TBX18: variants seen among roughly 807,000 people sequenced by gnomAD.
TBX18 encodes T-box transcription factor 18, also known as T-box transcription factor TBX18.
In TBX18, 21 loss-of-function variants were observed where a neutral mutation model predicts 55.0. The ratio of observed to expected loss-of-function variants is 0.38; its 90% CI spans 0.27 to 0.55. The LOEUF is 0.55. Among genes scored for constraint, TBX18 ranks in the 20% least tolerant of loss-of-function variants. The pLI is 0.73. For synonymous variants in TBX18, 342 were observed against 326.1 expected (o/e 1.05, Z -0.53); for missense variants, 840 against 799.6 (o/e 1.05, Z -0.61).
rs1773864942 is a variant in TBX18, at chr6:84,733,754, TGA to T, written c.*2929_*2930del. 3 of 152,252 alleles carry T rather than the reference TGA, an allele frequency of 2.0e-5. No individual in the cohort carries two copies. In the East Asian group the frequency reaches 5.8e-4, roughly 29 times the overall value. The allele number at this position is 152,252 out of a possible 1,614,324, so 9.4% of individuals were successfully genotyped here. On this transcript the variant is annotated 3_prime_UTR_variant, in exon 8 of 8. Transcript: ENST00000369663. ...TGTTTATTAATTTCACACTAAGGTG[TGA>T]GTTACTGGTAGGATTAAGTCTGGAG...
At chr6:84,739,536 A>G (rs1766993449) in intron 6 of TBX18, among the ~76,000 whole-genome samples, 1 of 151,940 alleles carries the variant, frequency 6.6e-6, no homozygotes, top group African/African-American at 2.4e-5. Context: ...AGACCTCATC[A>G]CTCTTCCTTC....
chr6:84,736,616 C>T lies in TBX18; in HGVS notation c.*69G>A, dbSNP rs1773950326. 9 of 1,449,778 alleles carry T rather than the reference C, an allele frequency of 6.2e-6. No individual in the cohort carries two copies. The highest frequency in any genetic ancestry group is 1.6e-5 in the South Asian group (1 of 63,412). The allele number at this position is 1,449,778 out of a possible 1,614,324, so 89.8% of individuals were successfully genotyped here. The stretch of plus-strand genomic sequence containing the variant: ...ATAAACCACAGAGAGTTTCTTTCCA[C>T]ATAGCTTTTAAAAAAGAAAAAGAAA... On this transcript the variant is annotated 3_prime_UTR_variant, in exon 8 of 8. Coordinates refer to ENST00000369663, the MANE Select transcript of TBX18 (RefSeq NM_001080508.3).
intron 4 of TBX18, among the ~76,000 whole-genome samples, chr6:84,748,632 G>A (rs886747176): frequency 3.3e-5 from 5 of 152,132 alleles, no homozygotes; most frequent in African/African-American, 9.7e-5. Context: ...TGCTGGGAGC[G>A]CCCAGTGTCT....
At chr6:84,746,540 CATAA>C (rs1767196410) in intron 5 of TBX18, among the ~76,000 whole-genome samples, 2 of 143,404 alleles carry the variant, frequency 1.4e-5, no homozygotes, top group South Asian at 2.2e-4. Flanking sequence ...ATATTAAAAT[CATAA>C]ATACATTTAT....
At chr6:84,750,902 CTCTT>C (rs1224065481) in intron 4 of TBX18, among the ~76,000 whole-genome samples, 13 of 152,282 alleles carry the variant, frequency 8.5e-5, no homozygotes, top group Admixed American at 2.6e-4. Flanking sequence ...TTCCCCCTCC[CTCTT>C]TATTTCTTAA....
chr6:84,760,391 GT>G, intron 2 of TBX18, 35 bp from the exon 3 acceptor site: 5 of 1,493,568 alleles, frequency 3.3e-6, no homozygotes, highest in South Asian at 1.2e-5. Context: ...AGGGTTTGGG[GT>G]TTTTGTTTGT....
Position 84,764,092 on chromosome 6 carries a change from C to G in TBX18, c.90G>C (p.Lys30Asn). Residue 30 changes from lysine to asparagine, a missense_variant, in exon 1 of 8, where the codon AAG becomes AAC. Lys to Asn is a moderately conservative substitution (Grantham distance 94). Coordinates refer to ENST00000369663, the MANE Select transcript of TBX18 (RefSeq NM_001080508.3). ...GCCGCTTCTTCTGAAGCTGTTGCTG[C>G]TTCTCGGCGCCGATCAGCGCCTCCA... ...FSVEALIGAE[K>N]QQQLQKKRRK... The G allele has an allele frequency of 6.3e-7, 1 of 1,585,892 alleles. No individual in the cohort carries two copies.
Position 84,736,797 on chromosome 6 carries a change from G to T in TBX18, c.1712C>A (p.Pro571His), listed in dbSNP as rs1207416912. The change falls in exon 8 of 8, where the codon CCT becomes CAT. Residue 571 changes from proline (P) to histidine (H), a missense_variant. Pro to His is a moderately conservative substitution (Grantham distance 77, BLOSUM62 -2). Transcript: ENST00000369663. ...GTMTDRQMLP[P>H]VEGVHLLSSG... is the part of the protein sequence containing the mutation. ...GCTAAGCAGGTGCACTCCTTCCACAGGGGGCAACATCTGCCGATCCGTCAT... is the reference window on the plus strand; with the variant it reads ...GCTAAGCAGGTGCACTCCTTCCACATGGGGCAACATCTGCCGATCCGTCAT... 20 of 1,614,096 alleles carry T rather than the reference G, an allele frequency of 1.2e-5. No homozygotes were observed. The South Asian group carries it at 1.3e-4, about 11-fold the overall frequency.
chr6:84,751,485 G>A (rs921488886), intron 4 of TBX18, among the ~76,000 whole-genome samples: 15 of 152,138 alleles, frequency 9.9e-5, no homozygotes, highest in Non-Finnish European at 2.9e-5. Context: ...TTATCTATAA[G>A]AACTTTATGT....
chr6:84,744,782 A>AG (rs1317886725), intron 5 of TBX18, among the ~76,000 whole-genome samples: 2 of 152,150 alleles, frequency 1.3e-5, no homozygotes, highest in African/African-American at 4.8e-5. Flanking sequence ...AAGCTCCTAC[A>AG]GAGCTTTCTC....
Position 84,764,199 on chromosome 6 carries a change from C to T in TBX18, c.-18G>A, listed in dbSNP as rs551216407. ...TCGGCCATCCCCCCCGCCCCGCGCC[C>T]GCCCGCCCCTCTCTCATATACACTC... On this transcript the variant is annotated 5_prime_UTR_variant, in exon 1 of 8. Transcript: ENST00000369663. The T allele has an allele frequency of 7.0e-7, 1 of 1,435,604 alleles. No homozygotes were observed. The highest frequency in any genetic ancestry group is 9.1e-7 in the Non-Finnish European group (1 of 1,103,142). 88.9% of individuals were successfully genotyped at this position (1,435,604 alleles called of 1,614,324 possible).
At chr6:84,747,243 T>C (rs1043179203) in intron 5 of TBX18, among the ~76,000 whole-genome samples, 10 of 152,124 alleles carry the variant, frequency 6.6e-5, no homozygotes, top group African/African-American at 1.2e-4. Context: ...ATATTTCTTA[T>C]GAAAACCAGC....
intron 2 of TBX18, among the ~76,000 whole-genome samples, chr6:84,761,409 T>G (rs1034575258): frequency 1.5e-4 from 23 of 152,198 alleles, no homozygotes; most frequent in African/African-American, 5.3e-4. Flanking sequence ...TCAGTGCACC[T>G]GTAAGATAAA....
At chr6:84,755,759 T>C (rs1487274060) in intron 4 of TBX18, among the ~76,000 whole-genome samples, 1 of 152,258 alleles carries the variant, frequency 6.6e-6, no homozygotes, top group Admixed American at 6.5e-5. Flanking sequence ...AAATTAGTAC[T>C]GGAATGTTCT....
intron 7 of TBX18, 110 bp from the exon 8 acceptor site, chr6:84,737,519 C>A: frequency 8.3e-7 from 1 of 1,211,932 alleles, no homozygotes; most frequent in Non-Finnish European, 1.1e-6. Context: ...TGGAGGAATG[C>A]TACAGAGATG....
At chr6:84,762,480 G>A (rs45440592) in intron 2 of TBX18, 64 bp downstream of exon 2, 109,378 of 1,577,136 alleles carry the variant, frequency 0.069, 4,258 homozygotes, top group Non-Finnish European at 0.078. Context: ...TCCTGATTGA[G>A]CTAGAGGTGA....
rs763263155 is a variant in TBX18 at position 84,763,948 on chromosome 6, C to T, written c.234G>A (p.Pro78=). ...EGDEGAALPP[P]AGATSGPARS... ...GAGCCGGCCCAGACGTCGCCCCAGC[C>T]GGCGGCGGGAGCGCAGCGCCTTCGT... is the stretch of plus-strand genomic sequence containing the variant. Residue 78 remains proline, a synonymous_variant, in exon 1 of 8, where the codon CCG becomes CCA. Coordinates refer to ENST00000369663, the MANE Select transcript of TBX18 (RefSeq NM_001080508.3). 6 of 1,580,072 alleles carry T rather than the reference C, an allele frequency of 3.8e-6. No homozygotes were observed. Among genetic ancestry groups the T allele is most frequent in the Non-Finnish European group, 5.1e-6 (6 of 1,168,904 alleles).
chr6:84,755,754 A>T (rs1259277868), intron 4 of TBX18, among the ~76,000 whole-genome samples: 1 of 152,244 alleles, frequency 6.6e-6, no homozygotes, highest in Non-Finnish European at 1.5e-5. Flanking sequence ...CAGTGAAATT[A>T]GTACTGGAAT....
rs74341727 is a variant in TBX18, at chr6:84,759,469, C to G, written c.599+786G>C. The stretch of plus-strand genomic sequence containing the variant: ...CGAATCTTCCAAACACATAAAACTT[C>G]CTTATTTAAATGTTAATGTTTTTAG... On this transcript the variant is annotated intron_variant, in intron 3 of 7. Coordinates refer to ENST00000369663, the MANE Select transcript of TBX18 (RefSeq NM_001080508.3). Among the ~76,000 whole-genome samples, 130 of 152,000 alleles carry G rather than the reference C, an allele frequency of 8.6e-4. 2 individuals are homozygous for G. In the East Asian group the frequency reaches 0.021, roughly 25 times the overall value.
Sources: gnomAD v4.1 joint callset for allele counts (sites outside exome capture counted in the v4.1 genomes callset) on GRCh38, gnomAD v4.1.1 for gene constraint, MANE v1.5 for transcripts, NCBI Gene and HGNC (gene_info 2026-07-23, HGNC 2026-07-21) for gene names.